Variants in ANKS1A observed in about 807,000 individuals in gnomAD.
The protein encoded by ANKS1A is ankyrin repeat and sterile alpha motif domain containing 1A.
In ANKS1A, 55 loss-of-function variants were observed where a neutral mutation model predicts 120.3. The ratio of observed to expected loss-of-function variants is 0.46; its 90% CI spans 0.37 to 0.57. The LOEUF is 0.57. ANKS1A is among the 20% of genes least tolerant of loss of function. The pLI, the probability that ANKS1A is intolerant of heterozygous loss-of-function variation, is 0.00. For missense variants in ANKS1A, 1,123 were observed against 1,480.3 expected, an observed-to-expected ratio of 0.76 and a Z score of 3.96; for synonymous variants, 590 against 604.7, an observed-to-expected ratio of 0.98 and a Z score of 0.36.
chr6:34,889,571 T>A lies in ANKS1A; in HGVS notation c.169T>A (p.Ser57Thr). ...CGGCGGCGGCGGCGGCCTCGGCTCT[T>A]CCAGCCACCCCCTCTCCAGTCTGCT... ...SGGGGGGLGSSSHPLSSLLSM... is the reference protein window; with the variant it reads ...SGGGGGGLGSTSHPLSSLLSM... The change falls in exon 1 of 24, where the codon TCC (serine) becomes ACC (threonine). Residue 57 changes from serine (S) to threonine (T), a missense_variant. This residue lies in a region of ANKS1A where 73 missense variants were observed against 82.2 expected (regional missense o/e 0.89). Coordinates refer to ENST00000360359, the MANE Select transcript of ANKS1A (RefSeq NM_015245.3). The surrounding 1 kb of genome is among the most constrained non-coding windows in gnomAD (Gnocchi z 5.5). 1 of 1,289,570 alleles carries A rather than the reference T, an allele frequency of 7.8e-7. No individual in the cohort carries two copies. The highest frequency in any genetic ancestry group is 3.3e-5 in the South Asian group (1 of 30,496). The allele number at this position is 1,289,570 out of a possible 1,614,324, so 79.9% of individuals were successfully genotyped here.
Position 35,085,638 on chromosome 6 carries a change from A to T in ANKS1A, c.3133-128A>T. 2 of 828,918 alleles carry T rather than the reference A, an allele frequency of 2.4e-6. No individual in the cohort carries two copies. Among genetic ancestry groups the T allele is most frequent in the Non-Finnish European group, 3.6e-6 (2 of 556,586 alleles). The allele number at this position is 828,918 out of a possible 1,614,324, so 51.3% of individuals were successfully genotyped here. ...GAGTAAAGGAGGGAAAGGAGGGAAG[A>T]GTGGAAGGAGGTAGGAGCGCTCCCG... On this transcript the variant is annotated intron_variant, in intron 21 of 23. Coordinates refer to ENST00000360359, the MANE Select transcript of ANKS1A (RefSeq NM_015245.3). This position sits in a 1 kb window ranked among gnomAD's most constrained non-coding sequence, Gnocchi z 4.7.
intron 1 of ANKS1A, among the ~76,000 whole-genome samples, chr6:34,954,258 A>G (rs1353991273): frequency 6.6e-6 from 1 of 152,174 alleles, no homozygotes; most frequent in Non-Finnish European, 1.5e-5. Context: ...TCACTTGCCC[A>G]GTATAGCAAT....
intron 6 of ANKS1A, 30 bp downstream of exon 6, chr6:34,983,244 C>T (rs755868611): frequency 6.2e-7 from 1 of 1,612,028 alleles, no homozygotes; most frequent in Non-Finnish European, 8.5e-7. Flanking sequence ...TCTGGGTGAC[C>T]AGGGGACACA....
downstream of ANKS1A, among the ~76,000 whole-genome samples, chr6:35,093,156 C>A (rs1314854788): frequency 1.3e-5 from 2 of 152,120 alleles, no homozygotes; most frequent in African/African-American, 4.8e-5. Flanking sequence ...GCAGCCTCTA[C>A]GACTTTGAGA....
chr6:35,064,842 T>G lies in ANKS1A; in HGVS notation c.2184+4589T>G, dbSNP rs528769221. On this transcript the variant is annotated intron_variant, in intron 13 of 23. Transcript: ENST00000360359. Reference sequence around the variant, plus strand: ...CCTGCACAGCACTCCATGAGCTGACTGCTGTCTTGGAGTTTTCTGCCCAGT... The same window carrying G: ...CCTGCACAGCACTCCATGAGCTGACGGCTGTCTTGGAGTTTTCTGCCCAGT... 9.7e-4 allele frequency among the ~76,000 whole-genome samples: 147 copies of G among 151,446 alleles called. 1 individual carries two copies. The highest frequency in any genetic ancestry group is 6.9e-3 in the Middle Eastern group (2 of 290).
intron 3 of ANKS1A, among the ~76,000 whole-genome samples, 181 bp from the exon 4 acceptor site, chr6:34,981,509 G>A (rs1364109677): frequency 6.6e-6 from 1 of 152,134 alleles, no homozygotes; most frequent in Non-Finnish European, 1.5e-5. Context: ...GGAAGGTGTC[G>A]CTGATTAGAC....
chr6:34,976,930 C>T (rs1295617792), intron 3 of ANKS1A, among the ~76,000 whole-genome samples: 1 of 152,050 alleles, frequency 6.6e-6, no homozygotes, highest in Admixed American at 6.6e-5. Context: ...CAAGGACATT[C>T]GCTTATAAAG....
chr6:34,998,426 AGGCAGGTAGCCT>A (rs1462386530), intron 10 of ANKS1A, among the ~76,000 whole-genome samples: 2 of 152,200 alleles, frequency 1.3e-5, no homozygotes, highest in African/African-American at 4.8e-5. Context: ...GCAAAACTAA[AGGCAGGTAGCCT>A]GGCACCTAGG....
chr6:35,065,094 C>T (rs1170082550), intron 13 of ANKS1A, among the ~76,000 whole-genome samples: 1 of 152,098 alleles, frequency 6.6e-6, no homozygotes, highest in Non-Finnish European at 1.5e-5. Flanking sequence ...AGGGCCTCAC[C>T]ATCTCTGCCA....
downstream of ANKS1A, among the ~76,000 whole-genome samples, chr6:35,093,043 G>A (rs1778355594): frequency 1.3e-5 from 2 of 152,060 alleles, no homozygotes; most frequent in South Asian, 2.1e-4. Context: ...GGGACAGGCC[G>A]ACTATCTAGT....
chr6:34,903,036 C>T (rs551461031), intron 1 of ANKS1A, among the ~76,000 whole-genome samples: 1 of 152,218 alleles, frequency 6.6e-6, no homozygotes, highest in South Asian at 2.1e-4. Flanking sequence ...TGAAATTTCA[C>T]AGTCACTTAA....
intron 10 of ANKS1A, among the ~76,000 whole-genome samples, chr6:35,013,296 A>T (rs1475026193): frequency 6.6e-5 from 10 of 151,512 alleles, no homozygotes; most frequent in Non-Finnish European, 1.0e-4. Flanking sequence ...TATTTTTTTT[A>T]TTTTTTATTT....
intron 1 of ANKS1A, among the ~76,000 whole-genome samples, chr6:34,891,952 T>C (rs1766846704): frequency 6.6e-6 from 1 of 152,220 alleles, no homozygotes; most frequent in Non-Finnish European, 1.5e-5. Flanking sequence ...CTTAGTGCGC[T>C]CACTCGGAGA....
intron 1 of ANKS1A, among the ~76,000 whole-genome samples, chr6:34,948,149 G>A (rs565888788): frequency 1.4e-5 from 2 of 147,516 alleles, no homozygotes; most frequent in South Asian, 2.1e-4. Flanking sequence ...CATCATTTAG[G>A]TGTTTTTTTT....
At chr6:35,079,989 T>G in intron 16 of ANKS1A, 61 bp downstream of exon 16, 3 of 1,521,536 alleles carry the variant, frequency 2.0e-6, no homozygotes, top group Non-Finnish European at 2.7e-6. Context: ...AGGAATTACA[T>G]AGAATTCTTT....
Position 35,085,860 on chromosome 6 carries a change from C to T in ANKS1A, c.3227C>T (p.Ala1076Val). Reference protein sequence around the residue: ...LQAQKSRATGASAAEMIETKS... With the variant: ...LQAQKSRATGVSAAEMIETKS... ...GCCCAGAAGTCCAGGGCGACGGGCG[C>T]CTCTGCAGCTGAGATGATTGAAACA... The change falls in exon 22 of 24, where the codon GCC becomes GTC. Residue 1076 changes from alanine to valine, a missense_variant. Physicochemically the swap from Ala to Val is moderately conservative, Grantham distance 64 (BLOSUM62 0). Around this residue, in one of 3 missense-constraint regions of ANKS1A, gnomAD observed 904 missense variants for 1,130.4 expected, o/e 0.80. Coordinates refer to ENST00000360359, the MANE Select transcript of ANKS1A (RefSeq NM_015245.3). This position sits in a 1 kb window ranked among gnomAD's most constrained non-coding sequence, Gnocchi z 4.7. 6.2e-7 allele frequency: 1 copy of T among 1,613,864 alleles called. No individual in the cohort carries two copies. The highest frequency in any genetic ancestry group is 1.1e-5 in the South Asian group (1 of 91,058).
At chr6:34,900,140 C>T (rs574775351) in intron 1 of ANKS1A, among the ~76,000 whole-genome samples, 8 of 152,290 alleles carry the variant, frequency 5.3e-5, no homozygotes, top group Non-Finnish European at 7.3e-5. Context: ...TTCCATTTTA[C>T]AGATGAAGAA....
chr6:34,895,311 G>GC, intron 1 of ANKS1A, among the ~76,000 whole-genome samples: 1 of 151,604 alleles, frequency 6.6e-6, no homozygotes, highest in Non-Finnish European at 1.5e-5. Context: ...ATCCTCCTGA[G>GC]CTATTGGGAC....
rs562634996 is a variant in ANKS1A, at chr6:34,988,021, T to G, written c.1210-1203T>G. ...TGGCAAATATCTCTTCAGCTTTCAG[T>G]TTTCCTTCATCAGGATCATCCTGTG... is the stretch of plus-strand genomic sequence containing the variant. On this transcript the variant is annotated intron_variant, in intron 8 of 23. Coordinates refer to ENST00000360359, the MANE Select transcript of ANKS1A (RefSeq NM_015245.3). Among the ~76,000 whole-genome samples the G allele has an allele frequency of 8.5e-4, 129 of 152,288 alleles. No individual in the cohort carries two copies. The Middle Eastern group carries it at 0.014, about 16-fold the overall frequency.
Sources: allele counts gnomAD v4.1 joint callset (sites outside exome capture counted in the v4.1 genomes callset), GRCh38; gene constraint gnomAD v4.1.1; regional missense constraint gnomAD v4.1.1; non-coding constraint Gnocchi (gnomAD v3.1); transcripts MANE v1.5; gene names NCBI Gene and HGNC (gene_info 2026-07-23, HGNC 2026-07-21).